The following ADM variants were observed in gnomAD, a reference collection of about 807,000 sequenced individuals.
ADM encodes adrenomedullin, also known as pro-adrenomedullin.
Under a neutral mutation model 9.0 loss-of-function variants are expected in ADM, and 4 were observed. The ratio of observed to expected loss-of-function variants is 0.44; its 90% confidence interval spans 0.22 to 1.02. The LOEUF (loss-of-function observed/expected upper bound fraction) is 1.02. Ranked by LOEUF, ADM falls within the 50% of genes least tolerant of loss-of-function variation. ADM has a pLI of 0.24. For missense variants in ADM, 253 were observed against 254.1 expected, an observed-to-expected ratio of 1.00 and a Z score of 0.03; for synonymous variants, 107 against 107.2, an observed-to-expected ratio of 1.00 and a Z score of 0.01.
chr11:10,306,546 C>A lies in ADM; in HGVS notation c.463C>A (p.Pro155Thr), dbSNP rs763603296. 6 of 1,612,154 alleles carry A rather than the reference C, an allele frequency of 3.7e-6. No homozygotes were observed. The highest frequency in any genetic ancestry group is 4.5e-5 in the East Asian group (2 of 44,822). Residue 155 changes from proline to threonine, a missense_variant, in exon 4 of 4, where the codon CCC (proline) becomes ACC (threonine). Transcript: ENST00000278175. The part of the protein sequence containing the change: ...GYGRRRRRSL[P>T]EAGPGRTLVS... ...CGGCCGCCGGCGCCGGCGCTCCCTG[C>A]CCGAGGCCGGCCCGGGTCGGACTCT...
In ADM at chr11:10,307,384, T is replaced by G. The variant is rs34056369; in HGVS notation, c.*743T>G. ...ATATGCGAACAGCAAACCAATAAAC[T>G]GTCTCAATGCTGATTCATTCTCTCG... On this transcript the variant is annotated 3_prime_UTR_variant, in exon 4 of 4. Transcript: ENST00000278175. This position sits in a 1 kb window ranked among gnomAD's most constrained non-coding sequence, Gnocchi z 4.5. 359 of 152,756 alleles carry G rather than the reference T, an allele frequency of 2.4e-3. No individual in the cohort carries two copies. Among genetic ancestry groups the G allele is most frequent in the African/African-American group, 8.3e-3 (346 of 41,586 alleles). The allele number at this position is 152,756 out of a possible 1,614,324, so 9.5% of individuals were successfully genotyped here. A position where few individuals can be genotyped will look rare whatever the true frequency, so the allele number is the denominator to read the frequency against.
At position 10,306,091 on chromosome 11, in the gene ADM, G is replaced by A. The variant is rs760027500; in HGVS notation, c.241G>A (p.Glu81Lys). ...CATGAAGGGTGCCTCTCGAAGCCCC[G>A]AAGACAGGTAACTACGCCCTGTGCT... ...QDMKGASRSPEDSSPDAARIR... is the reference protein window; with the variant it reads ...QDMKGASRSPKDSSPDAARIR... The change falls in exon 3 of 4, where the codon GAA (glutamate) becomes AAA (lysine). Residue 81 changes from glutamate to lysine, a missense_variant. Glu to Lys is a moderately conservative substitution (Grantham distance 56). Coordinates refer to ENST00000278175, the MANE Select transcript of ADM (RefSeq NM_001124.3). The A allele has an allele frequency of 1.4e-5, 23 of 1,613,740 alleles. No individual in the cohort carries two copies. Among genetic ancestry groups the A allele is most frequent in the Non-Finnish European group, 1.8e-5 (21 of 1,180,004 alleles).
chr11:10,306,461 G>A lies in ADM; in HGVS notation c.378G>A (p.Gln126=), dbSNP rs112526486. The change falls in exon 4 of 4, where the codon CAG becomes CAA. Residue 126 remains glutamine, a synonymous_variant. Transcript: ENST00000278175. ...TVQKLAHQIY[Q]FTDKDKDNVA... ...AGAAGCTGGCACACCAGATCTACCA[G>A]TTCACAGATAAGGACAAGGACAACG... 95 of 1,613,664 alleles carry A rather than the reference G, an allele frequency of 5.9e-5. No homozygotes were observed. The African/African-American group carries it at 8.1e-4, about 14-fold the overall frequency.
In ADM at chr11:10,307,022, A is replaced by G. The variant is rs1486217618; in HGVS notation, c.*381A>G. On this transcript the variant is annotated 3_prime_UTR_variant, in exon 4 of 4. Coordinates refer to ENST00000278175, the MANE Select transcript of ADM (RefSeq NM_001124.3). This position sits in a 1 kb window ranked among gnomAD's most constrained non-coding sequence, Gnocchi z 4.5. ...ACCCCACCAGGGCGCAAGCCTCACTATTACTTGAACTTTCCAAAACCTAAA... is the reference window on the plus strand; with the variant it reads ...ACCCCACCAGGGCGCAAGCCTCACTGTTACTTGAACTTTCCAAAACCTAAA... 5.1e-6 allele frequency: 1 copy of G among 196,548 alleles called. No individual in the cohort carries two copies. Among genetic ancestry groups the G allele is most frequent in the Non-Finnish European group, 1.0e-5 (1 of 97,482 alleles). 12.2% of individuals were successfully genotyped at this position (196,548 alleles called of 1,614,324 possible).
chr11:10,306,627 C>T lies in ADM; in HGVS notation c.544C>T (p.Pro182Ser). 2 of 1,537,068 alleles carry T rather than the reference C, an allele frequency of 1.3e-6. No homozygotes were observed. Among genetic ancestry groups the T allele is most frequent in the Middle Eastern group, 1.8e-4 (1 of 5,692 alleles). ...TCCAGCCCCCCCGAGTGGAAGTGCT[C>T]CCCACTTTCTTTAGGATTTAGGCGC... ...GAPAPPSGSA[P>S]HFL Residue 182 changes from proline (P) to serine (S), a missense_variant, in exon 4 of 4, where the codon CCC becomes TCC. Transcript: ENST00000278175.
Position 10,306,764 on chromosome 11 carries a change from C to T in ADM, c.*123C>T. ...GACAGCCCTGCGGAGACCCTGAGTC[C>T]GGGAGGCACCGTCCGGCGGCGAGCT... On this transcript the variant is annotated 3_prime_UTR_variant, in exon 4 of 4. Coordinates refer to ENST00000278175, the MANE Select transcript of ADM (RefSeq NM_001124.3). 3 of 988,910 alleles carry T rather than the reference C, an allele frequency of 3.0e-6. No individual in the cohort carries two copies. The highest frequency in any genetic ancestry group is 4.3e-6 in the Non-Finnish European group (3 of 704,204). 61.3% of individuals were successfully genotyped at this position (988,910 alleles called of 1,614,324 possible). A position where few individuals can be genotyped will look rare whatever the true frequency, so the allele number is the denominator to read the frequency against.
Position 10,306,906 on chromosome 11 carries a change from G to A in ADM, c.*265G>A. Reference sequence around the variant, plus strand: ...CGAGTGTTTGCCAGGCTTAAGGAGAGGAGAAACTGAGAAATGAATGCTGAG... The same window carrying A: ...CGAGTGTTTGCCAGGCTTAAGGAGAAGAGAAACTGAGAAATGAATGCTGAG... On this transcript the variant is annotated 3_prime_UTR_variant, in exon 4 of 4. Transcript: ENST00000278175. The A allele has an allele frequency of 5.3e-6, 2 of 376,854 alleles. No homozygotes were observed. Among genetic ancestry groups the A allele is most frequent in the Non-Finnish European group, 9.4e-6 (2 of 211,796 alleles). The allele number at this position is 376,854 out of a possible 1,614,324, so 23.3% of individuals were successfully genotyped here.
rs778109412 is a variant in ADM, at chr11:10,306,611, C to G, written c.528C>G (p.Pro176=). ...SKPQAHGAPA[P]PSGSAPHFL is the part of the protein sequence containing the mutation. ...CACAAGCACACGGGGCTCCAGCCCC[C>G]CCGAGTGGAAGTGCTCCCCACTTTC... Residue 176 remains proline (P), a synonymous_variant, in exon 4 of 4, where the codon CCC becomes CCG. Coordinates refer to ENST00000278175, the MANE Select transcript of ADM (RefSeq NM_001124.3). 105 of 1,563,666 alleles carry G rather than the reference C, an allele frequency of 6.7e-5. No individual in the cohort carries two copies. Among genetic ancestry groups the G allele is most frequent in the Middle Eastern group, 1.7e-4 (1 of 5,850 alleles).
chr11:10,305,326 T>G (rs1157800749), intron 1 of ADM, 97 bp downstream of exon 1: 1 of 231,514 alleles, frequency 4.3e-6, no homozygotes, highest in Non-Finnish European at 8.6e-6. Context: ...AACAACCCAC[T>G]TTGGAGGGTT....
rs558421832 is a variant in ADM, at chr11:10,305,114, C to T, written c.-137C>T. 1.9e-5 allele frequency: 3 copies of T among 156,700 alleles called. No homozygotes were observed. Among genetic ancestry groups the T allele is most frequent in the African/African-American group, 7.2e-5 (3 of 41,610 alleles). 9.7% of individuals were successfully genotyped at this position (156,700 alleles called of 1,614,324 possible). A position where few individuals can be genotyped will look rare whatever the true frequency, so the allele number is the denominator to read the frequency against. On this transcript the variant is annotated 5_prime_UTR_variant, in exon 1 of 4. Coordinates refer to ENST00000278175, the MANE Select transcript of ADM (RefSeq NM_001124.3). ...GTGACACTGGATAGAACAGCTCAAGCCTTGCCACTTCGGGCTTCTCACTGC... is the reference window on the plus strand; with the variant it reads ...GTGACACTGGATAGAACAGCTCAAGTCTTGCCACTTCGGGCTTCTCACTGC...
Position 10,305,151 on chromosome 11 carries a change from G to A in ADM, c.-100G>A, listed in dbSNP as rs1964639920. 6.3e-6 allele frequency: 1 copy of A among 158,398 alleles called. No homozygotes were observed. Among genetic ancestry groups the A allele is most frequent in the Non-Finnish European group, 1.4e-5 (1 of 71,894 alleles). The allele number at this position is 158,398 out of a possible 1,614,324, so 9.8% of individuals were successfully genotyped here. On this transcript the variant is annotated 5_prime_UTR_variant, in exon 1 of 4. Transcript: ENST00000278175. ...GGGCTTCTCACTGCAGCTGGGCTTG[G>A]ACTTCGGAGTTTTGCCATTGCCAGT...
At chr11:10,306,174 T>G in intron 3 of ADM, 76 bp downstream of exon 3, 1 of 1,569,094 alleles carries the variant, frequency 6.4e-7, no homozygotes, top group Non-Finnish European at 8.7e-7. Flanking sequence ...TCCACTCCCC[T>G]GGCCCGGGGG....
At chr11:10,305,597 G>T (rs1260219801) in intron 1 of ADM, 83 bp from the exon 2 acceptor site, 4 of 1,244,752 alleles carry the variant, frequency 3.2e-6, no homozygotes, top group East Asian at 2.4e-5. Context: ...GCCTCGCCGG[G>T]GCCCCTGCCC....
In ADM at chr11:10,305,780, C is replaced by T. The variant is rs1419432532; in HGVS notation, c.80C>T (p.Ala27Val). Reference sequence around the variant, plus strand: ...GCTGACACCGCTCGGTTGGATGTCGCGTCGGAGTTTCGAAAGAAGTGAGTC... The same window carrying T: ...GCTGACACCGCTCGGTTGGATGTCGTGTCGGAGTTTCGAAAGAAGTGAGTC... The part of the protein sequence containing the change: ...LGADTARLDV[A>V]SEFRKKWNKW... The change falls in exon 2 of 4, where the codon GCG (alanine) becomes GTG (valine). Residue 27 changes from alanine to valine, a missense_variant. Ala to Val is a moderately conservative substitution (Grantham distance 64). Coordinates refer to ENST00000278175, the MANE Select transcript of ADM (RefSeq NM_001124.3). The T allele has an allele frequency of 6.2e-7, 1 of 1,614,152 alleles. No individual in the cohort carries two copies. Among genetic ancestry groups the T allele is most frequent in the Non-Finnish European group, 8.5e-7 (1 of 1,180,022 alleles).
At position 10,306,622 on chromosome 11, in the gene ADM, G is replaced by A; in HGVS notation, c.539G>A (p.Ser180Asn). The change falls in exon 4 of 4, where the codon AGT becomes AAT. Residue 180 changes from serine to asparagine, a missense_variant. Coordinates refer to ENST00000278175, the MANE Select transcript of ADM (RefSeq NM_001124.3). ...GGGGCTCCAGCCCCCCCGAGTGGAAGTGCTCCCCACTTTCTTTAGGATTTA... is the reference window on the plus strand; with the variant it reads ...GGGGCTCCAGCCCCCCCGAGTGGAAATGCTCCCCACTTTCTTTAGGATTTA... ...AHGAPAPPSG[S>N]APHFL 3 of 1,545,396 alleles carry A rather than the reference G, an allele frequency of 1.9e-6. No individual in the cohort carries two copies. Among genetic ancestry groups the A allele is most frequent in the South Asian group, 2.5e-5 (2 of 81,420 alleles).
chr11:10,306,819 G>A lies in ADM; in HGVS notation c.*178G>A. On this transcript the variant is annotated 3_prime_UTR_variant, in exon 4 of 4. Transcript: ENST00000278175. ...CTTTGCAAGGGCCCCTCCTTCTGGG[G>A]GCTTCGCTTCCTTAGCCTTGCTCAG... The A allele has an allele frequency of 1.7e-6, 1 of 578,794 alleles. No individual in the cohort carries two copies. Among genetic ancestry groups the A allele is most frequent in the Non-Finnish European group, 2.9e-6 (1 of 348,962 alleles). The allele number at this position is 578,794 out of a possible 1,614,324, so 35.9% of individuals were successfully genotyped here.
In ADM at chr11:10,306,424, C is replaced by T. The variant is rs1383149401; in HGVS notation, c.341C>T (p.Thr114Met). The T allele has an allele frequency of 1.2e-6, 2 of 1,613,332 alleles. No homozygotes were observed. Among genetic ancestry groups the T allele is most frequent in the Non-Finnish European group, 1.7e-6 (2 of 1,179,916 alleles). The change falls in exon 4 of 4, where the codon ACG becomes ATG. Residue 114 changes from threonine to methionine, a missense_variant. Physicochemically the swap from Thr to Met is moderately conservative, Grantham distance 81. Coordinates refer to ENST00000278175, the MANE Select transcript of ADM (RefSeq NM_001124.3). ...CGGAGCTTTGGCTGCCGCTTCGGGA[C>T]GTGCACGGTGCAGAAGCTGGCACAC... ...GLRSFGCRFG[T>M]CTVQKLAHQI...
chr11:10,305,957 A>G lies in ADM; in HGVS notation c.107A>G (p.Lys36Arg). ...CTGCTTGTGTTTTCCAGGTGGAATA[A>G]GTGGGCTCTGAGTCGTGGGAAGAGG... is the stretch of plus-strand genomic sequence containing the variant. ...VASEFRKKWN[K>R]WALSRGKREL... Residue 36 changes from lysine to arginine, a missense_variant, in exon 3 of 4, where the codon AAG becomes AGG. Physicochemically the swap from Lys to Arg is conservative, Grantham distance 26 (BLOSUM62 2). Coordinates refer to ENST00000278175, the MANE Select transcript of ADM (RefSeq NM_001124.3). 1 of 1,613,826 alleles carries G rather than the reference A, an allele frequency of 6.2e-7. No individual in the cohort carries two copies. Among genetic ancestry groups the G allele is most frequent in the Non-Finnish European group, 8.5e-7 (1 of 1,180,028 alleles).
chr11:10,306,769 G>C lies in ADM; in HGVS notation c.*128G>C. The C allele has an allele frequency of 1.1e-6, 1 of 940,912 alleles. No individual in the cohort carries two copies. The highest frequency in any genetic ancestry group is 1.5e-6 in the Non-Finnish European group (1 of 662,618). 58.3% of individuals were successfully genotyped at this position (940,912 alleles called of 1,614,324 possible). The stretch of plus-strand genomic sequence containing the variant: ...CCCTGCGGAGACCCTGAGTCCGGGA[G>C]GCACCGTCCGGCGGCGAGCTCTGGC... On this transcript the variant is annotated 3_prime_UTR_variant, in exon 4 of 4. Coordinates refer to ENST00000278175, the MANE Select transcript of ADM (RefSeq NM_001124.3).
Sources: allele counts gnomAD v4.1 joint callset, GRCh38; gene constraint gnomAD v4.1.1; non-coding constraint Gnocchi (gnomAD v3.1); transcripts MANE v1.5; gene names NCBI Gene and HGNC (gene_info 2026-07-23, HGNC 2026-07-21).